The following RIPK2 variants were observed in gnomAD, a reference collection of about 807,000 sequenced individuals.
RIPK2 encodes the protein receptor-interacting serine/threonine-protein kinase 2.
RIPK2 carries 38 observed loss-of-function variants against 60.9 expected under a neutral mutation model. The ratio of observed to expected loss-of-function variants is 0.62; its 90% CI spans 0.48 to 0.82. The LOEUF (loss-of-function observed/expected upper bound fraction) is 0.82, where lower values mean the gene tolerates loss of function less well. Among genes scored for constraint, RIPK2 ranks in the 40% least tolerant of loss-of-function variants. The probability of loss-of-function intolerance (pLI) is 0.00; values close to 1 mark genes in which losing one functional copy is unlikely to be tolerated. For missense variants in RIPK2, 518 were observed against 647.0 expected, an observed-to-expected ratio of 0.80 and a Z score of 2.16; for synonymous variants, 225 against 223.4, an observed-to-expected ratio of 1.01 and a Z score of -0.06.
At position 89,765,500 on chromosome 8, in the gene RIPK2, AT is replaced by A. The variant is rs769877685; in HGVS notation, c.483+6del. On this transcript the variant is annotated splice_donor_5th_base_variant and intron_variant, in intron 3 of 10. Coordinates refer to ENST00000220751, the MANE Select transcript of RIPK2 (RefSeq NM_003821.6). Reference sequence around the variant, plus strand: ...GGACAATGAATTTCATGTTAAGGTAATTACTTTTTTAAAAAGTTTATGTTTC... The same window carrying A: ...GGACAATGAATTTCATGTTAAGGTAATACTTTTTTAAAAAGTTTATGTTTC... 34 of 1,550,564 alleles carry A rather than the reference AT, an allele frequency of 2.2e-5. No homozygotes were observed. The African/African-American group carries it at 4.4e-4, about 20-fold the overall frequency.
intron 2 of RIPK2, among the ~76,000 whole-genome samples, 196 bp downstream of exon 2, chr8:89,763,178 T>C (rs1282027758): frequency 6.6e-6 from 1 of 152,196 alleles, no homozygotes; most frequent in African/African-American, 2.4e-5. Flanking sequence ...ATTCAGGCCC[T>C]GTACTCTAGA....
Position 89,786,609 on chromosome 8 carries a change from C to T in RIPK2, c.1046C>T (p.Ser349Phe), listed in dbSNP as rs993040441. ...HGPQEESCGS[S>F]QLHENSGSPE... is the part of the protein sequence containing the mutation. ...TTACTTTAGGAATCATGTGGATCCT[C>T]TCAGCTCCATGAAAATAGTGGTTCT... Residue 349 changes from serine (S) to phenylalanine (F), a missense_variant, in exon 9 of 11, where the codon TCT becomes TTT. Coordinates refer to ENST00000220751, the MANE Select transcript of RIPK2 (RefSeq NM_003821.6). 3.8e-6 allele frequency: 6 copies of T among 1,590,932 alleles called. 1 individual carries two copies. The Admixed American group carries it at 5.1e-5, about 13-fold the overall frequency.
chr8:89,785,952 T>C (rs1809580773), intron 8 of RIPK2, among the ~76,000 whole-genome samples: 2 of 152,218 alleles, frequency 1.3e-5, no homozygotes, highest in Non-Finnish European at 2.9e-5. Flanking sequence ...AACAGGCATT[T>C]CTAAATCTGT....
At position 89,757,986 on chromosome 8, in the gene RIPK2, C is replaced by T. The variant is rs371224967; in HGVS notation, c.-75C>T. 1 of 1,458,542 alleles carries T rather than the reference C, an allele frequency of 6.9e-7. No homozygotes were observed. The allele number at this position is 1,458,542 out of a possible 1,614,324, so 90.4% of individuals were successfully genotyped here. On this transcript the variant is annotated 5_prime_UTR_variant, in exon 1 of 11. Coordinates refer to ENST00000220751, the MANE Select transcript of RIPK2 (RefSeq NM_003821.6). ...CTCGTGCAGGGGCGTATCTGGGCGC[C>T]TGAGCGCGGCGTGGGAGCCTTGGGA...
At chr8:89,763,990 G>T (rs1679810215) in intron 2 of RIPK2, among the ~76,000 whole-genome samples, 1 of 151,934 alleles carries the variant, frequency 6.6e-6, no homozygotes, top group Non-Finnish European at 1.5e-5. Flanking sequence ...ACCCAAATTT[G>T]CAGCTCGCTG....
At chr8:89,789,274 A>G (rs376178002) in intron 9 of RIPK2, 47 bp from the exon 10 acceptor site, 5 of 1,535,546 alleles carry the variant, frequency 3.3e-6, no homozygotes, top group Non-Finnish European at 4.5e-6. Flanking sequence ...GCCAATAGGA[A>G]TTTCTAAGGA....
chr8:89,773,125 G>C (rs762799295), intron 6 of RIPK2, among the ~76,000 whole-genome samples: 2 of 152,252 alleles, frequency 1.3e-5, no homozygotes, highest in South Asian at 2.1e-4. Flanking sequence ...CCTGGGAACA[G>C]AGTAGTAAAC....
At chr8:89,777,057 TGACAGTGTGGGTA>T in intron 6 of RIPK2, among the ~76,000 whole-genome samples, 1 of 152,242 alleles carries the variant, frequency 6.6e-6, no homozygotes, top group Admixed American at 6.5e-5. Context: ...GAAACAGGGA[TGACAGTGTGGGTA>T]GACCAAGGCA....
intron 1 of RIPK2, chr8:89,759,271 A>C: frequency 2.2e-6 from 1 of 456,164 alleles, no homozygotes; most frequent in Non-Finnish European, 4.4e-6. Flanking sequence ...TAGACCTGTG[A>C]CTGTGTATTA....
chr8:89,779,852 T>C (rs549595706), intron 6 of RIPK2, among the ~76,000 whole-genome samples: 4 of 152,356 alleles, frequency 2.6e-5, no homozygotes, highest in African/African-American at 9.6e-5. Context: ...CCCCATTGAA[T>C]TGGCTTAGCA....
chr8:89,775,785 G>C (rs147011616), intron 6 of RIPK2, among the ~76,000 whole-genome samples: 2 of 152,284 alleles, frequency 1.3e-5, no homozygotes, highest in East Asian at 3.9e-4. Context: ...AGTGTAGTAT[G>C]AGAGCAGATG....
Position 89,789,426 on chromosome 8 carries a change from A to G in RIPK2, c.1229A>G (p.Lys410Arg), listed in dbSNP as rs1359337096. The change falls in exon 10 of 11, where the codon AAG becomes AGG. Residue 410 changes from lysine (K) to arginine (R), a missense_variant. Lys to Arg is a conservative substitution (Grantham distance 26). This residue lies in a region of RIPK2 where 448 missense variants were observed against 534.7 expected (regional missense o/e 0.84). Coordinates refer to ENST00000220751, the MANE Select transcript of RIPK2 (RefSeq NM_003821.6). ...GSQRAAFCDHKTTPCSSAIIN... is the reference protein window; with the variant it reads ...GSQRAAFCDHRTTPCSSAIIN... ...CAAAGGGCTGCATTCTGTGATCACA[A>G]GACCACTCCATGCTCTTCAGCAATA... The G allele has an allele frequency of 1.2e-6, 2 of 1,614,120 alleles. No homozygotes were observed. The highest frequency in any genetic ancestry group is 4.5e-5 in the East Asian group (2 of 44,870).
At chr8:89,786,122 C>G (rs1400556382) in intron 8 of RIPK2, among the ~76,000 whole-genome samples, 1 of 152,140 alleles carries the variant, frequency 6.6e-6, no homozygotes, top group Admixed American at 6.5e-5. Flanking sequence ...ATAAGTTTAT[C>G]TTTGTTGGTT....
Position 89,766,533 on chromosome 8 carries a change from A to G in RIPK2, c.483+1037A>G, listed in dbSNP as rs146671769. 5.7e-4 allele frequency among the ~76,000 whole-genome samples: 87 copies of G among 151,818 alleles called. No individual in the cohort carries two copies. In the East Asian group the frequency reaches 0.015, roughly 27 times the overall value. ...TACTGTTGAGTTTTGAGAATTCTGTATATGTTACAGTAGTAGTTCTTCATC... is the reference window on the plus strand; with the variant it reads ...TACTGTTGAGTTTTGAGAATTCTGTGTATGTTACAGTAGTAGTTCTTCATC... On this transcript the variant is annotated intron_variant, in intron 3 of 10. Transcript: ENST00000220751.
chr8:89,769,588 T>C (rs1809280677), intron 3 of RIPK2, among the ~76,000 whole-genome samples, 184 bp from the exon 4 acceptor site: 1 of 151,856 alleles, frequency 6.6e-6, no homozygotes, highest in East Asian at 1.9e-4. Flanking sequence ...CCTAGAGTTA[T>C]TTGGCTCAGC....
chr8:89,776,618 A>T (rs1311507952), intron 6 of RIPK2, among the ~76,000 whole-genome samples: 1 of 152,192 alleles, frequency 6.6e-6, no homozygotes, highest in Non-Finnish European at 1.5e-5. Flanking sequence ...TATTTTGAAT[A>T]TAGTTTTGAC....
intron 6 of RIPK2, among the ~76,000 whole-genome samples, chr8:89,776,419 T>C (rs1218585725): frequency 1.3e-5 from 2 of 152,252 alleles, no homozygotes; most frequent in African/African-American, 4.8e-5. Flanking sequence ...GTGGGTAATA[T>C]CTATTAGCAT....
chr8:89,762,290 CAG>C (rs1321701001), intron 1 of RIPK2, among the ~76,000 whole-genome samples: 1 of 152,130 alleles, frequency 6.6e-6, no homozygotes, highest in African/African-American at 2.4e-5. Flanking sequence ...TACCTGTTCT[CAG>C]TGATCTTTTC....
At chr8:89,762,202 A>G (rs990895872) in intron 1 of RIPK2, among the ~76,000 whole-genome samples, 1 of 152,038 alleles carries the variant, frequency 6.6e-6, no homozygotes, top group South Asian at 2.1e-4. Context: ...AGTTAAATAT[A>G]TATTTGTTTT....
Sources: allele counts gnomAD v4.1 joint callset (sites outside exome capture counted in the v4.1 genomes callset), GRCh38; gene constraint gnomAD v4.1.1; regional missense constraint gnomAD v4.1.1; transcripts MANE v1.5; gene names NCBI Gene and HGNC (gene_info 2026-07-23, HGNC 2026-07-21).